The following PABPC4L variants were observed in gnomAD, a reference collection of about 807,000 sequenced individuals.
PABPC4L encodes polyadenylate-binding protein 4-like.
For synonymous variants in PABPC4L, 169 were observed against 164.1 expected, an observed-to-expected ratio of 1.03 and a Z score of -0.23; for missense variants, 452 against 451.4, an observed-to-expected ratio of 1.00 and a Z score of -0.01.
chr4:134,046,156 C>T, the PABPC4L span, among the ~76,000 whole-genome samples: 104 of 152,154 alleles, frequency 6.8e-4, 1 homozygote, highest in African/African-American at 2.4e-3. Context: ...TGAGTTCCCT[C>T]AGAATTTATT....
the PABPC4L span, among the ~76,000 whole-genome samples, chr4:133,963,849 C>A: frequency 6.6e-6 from 1 of 151,996 alleles, no homozygotes; most frequent in East Asian, 1.9e-4. Flanking sequence ...AACTTGATAG[C>A]CCTAAACACC....
the PABPC4L span, among the ~76,000 whole-genome samples, chr4:133,996,765 G>C: frequency 6.6e-6 from 1 of 152,136 alleles, no homozygotes; most frequent in Non-Finnish European, 1.5e-5. Context: ...CACCGCCAAT[G>C]ACAGTGCAGC....
At chr4:134,081,029 A>G in the PABPC4L span, among the ~76,000 whole-genome samples, 2 of 152,198 alleles carry the variant, frequency 1.3e-5, no homozygotes, top group African/African-American at 2.4e-5. Flanking sequence ...ATAGACATCT[A>G]ATATATTCAA....
At chr4:134,181,678 G>A in the PABPC4L span, among the ~76,000 whole-genome samples, 2 of 151,814 alleles carry the variant, frequency 1.3e-5, no homozygotes, top group South Asian at 4.1e-4. Flanking sequence ...CAAAGTTTCA[G>A]GATACAAAAT....
chr4:134,069,844 T>C, the PABPC4L span, among the ~76,000 whole-genome samples: 1 of 152,114 alleles, frequency 6.6e-6, no homozygotes, highest in Non-Finnish European at 1.5e-5. Context: ...AGCCTGGATA[T>C]GAGCCATTGC....
At chr4:134,158,198 T>C in the PABPC4L span, among the ~76,000 whole-genome samples, 1 of 151,952 alleles carries the variant, frequency 6.6e-6, no homozygotes, top group Non-Finnish European at 1.5e-5. Flanking sequence ...TATCAGTAAA[T>C]AGTGAAGTGA....
chr4:134,151,610 A>G, the PABPC4L span, among the ~76,000 whole-genome samples: 1 of 152,054 alleles, frequency 6.6e-6, no homozygotes, highest in Non-Finnish European at 1.5e-5. Context: ...CAGAATACCT[A>G]CATTTAAATA....
the PABPC4L span, among the ~76,000 whole-genome samples, chr4:134,013,911 C>A: frequency 6.6e-6 from 1 of 152,096 alleles, no homozygotes; most frequent in Non-Finnish European, 1.5e-5. Flanking sequence ...CTCCTCACAC[C>A]CAGTCAGGCT....
chr4:133,965,945 C>T, the PABPC4L span, among the ~76,000 whole-genome samples: 1 of 151,898 alleles, frequency 6.6e-6, no homozygotes, highest in Non-Finnish European at 1.5e-5. Flanking sequence ...AAAGCAAATG[C>T]AATAAAAACA....
chr4:134,183,800 A>C, the PABPC4L span, among the ~76,000 whole-genome samples: 2 of 151,766 alleles, frequency 1.3e-5, no homozygotes. Flanking sequence ...AAAGAAGAAG[A>C]CCAATAAATT....
chr4:134,051,918 A>G, the PABPC4L span, among the ~76,000 whole-genome samples: 2 of 152,160 alleles, frequency 1.3e-5, no homozygotes, highest in East Asian at 1.9e-4. Context: ...AAAATAGGTT[A>G]CAGGATTAGA....
At chr4:134,105,002 C>A in the PABPC4L span, among the ~76,000 whole-genome samples, 1 of 151,686 alleles carries the variant, frequency 6.6e-6, no homozygotes, top group African/African-American at 2.4e-5. Context: ...TGCTGCCCAA[C>A]AAGATGCAGA....
At chr4:133,959,354 T>C in the PABPC4L span, among the ~76,000 whole-genome samples, 2 of 152,194 alleles carry the variant, frequency 1.3e-5, no homozygotes, top group African/African-American at 4.8e-5. Flanking sequence ...CTTTTTCAGA[T>C]AAATACTATG....
At chr4:134,024,794 TCTTTATAATAAA>T in the PABPC4L span, among the ~76,000 whole-genome samples, 1 of 151,406 alleles carries the variant, frequency 6.6e-6, no homozygotes. Flanking sequence ...ACATGTACTG[TCTTTATAATAAA>T]CTAGCTTTTT....
chr4:134,192,175 A>G (rs1163615082), downstream of PABPC4L, among the ~76,000 whole-genome samples: 1 of 152,176 alleles, frequency 6.6e-6, no homozygotes, highest in Non-Finnish European at 1.5e-5. Flanking sequence ...ACAAATGAAT[A>G]TTATACAGTC....
At chr4:134,042,082 T>TAA in the PABPC4L span, among the ~76,000 whole-genome samples, 2 of 152,178 alleles carry the variant, frequency 1.3e-5, no homozygotes, top group Non-Finnish European at 2.9e-5. Flanking sequence ...CACATATATA[T>TAA]AATGAAATAT....
At chr4:133,978,208 C>A in the PABPC4L span, among the ~76,000 whole-genome samples, 1 of 152,166 alleles carries the variant, frequency 6.6e-6, no homozygotes, top group Non-Finnish European at 1.5e-5. Flanking sequence ...ATAACTCAAA[C>A]AACTCAAAGC....
At chr4:134,190,819 T>G in the PABPC4L span, among the ~76,000 whole-genome samples, 6 of 151,988 alleles carry the variant, frequency 3.9e-5, no homozygotes. Context: ...GCCTAGCTGA[T>G]TTTTATATTT....
At chr4:134,028,290 A>C in the PABPC4L span, among the ~76,000 whole-genome samples, 1 of 152,126 alleles carries the variant, frequency 6.6e-6, no homozygotes, top group Non-Finnish European at 1.5e-5. Context: ...ACAGGCAAAA[A>C]GATCGACCTT....
Sources: gnomAD v4.1 joint callset for allele counts (sites outside exome capture counted in the v4.1 genomes callset) on GRCh38, gnomAD v4.1.1 for gene constraint, MANE v1.5 for transcripts, NCBI Gene and HGNC (gene_info 2026-07-23, HGNC 2026-07-21) for gene names.